The following CSMD1 variants were observed in gnomAD, a reference collection of about 807,000 sequenced individuals.
The protein encoded by CSMD1 is CUB and sushi domain-containing protein 1.
In CSMD1, 213 loss-of-function variants were observed where a neutral mutation model predicts 417.5. The observed-to-expected ratio is 0.51, with a 90% CI of 0.46 to 0.57. The LOEUF is 0.57. CSMD1 is among the 20% of genes least tolerant of loss of function. The pLI, the probability that CSMD1 is intolerant of heterozygous loss-of-function variation, is 0.00. For missense variants in CSMD1, 6,923 were observed against 4,529.7 expected, an observed-to-expected ratio of 1.53 and a Z score of -15.17; for synonymous variants, 2,862 against 1,736.8, an observed-to-expected ratio of 1.65 and a Z score of -16.11.
chr8:3,586,349 A>C (rs1268001850), intron 8 of CSMD1, 89 bp from the exon 9 acceptor site: 1 of 1,298,754 alleles, frequency 7.7e-7, no homozygotes, highest in South Asian at 1.5e-5. Flanking sequence ...AATGGCTGCT[A>C]CGATCTTGTT....
intron 3 of CSMD1, among the ~76,000 whole-genome samples, chr8:4,106,920 T>C (rs117727074): frequency 0.015 from 2,296 of 152,312 alleles, 29 homozygotes; most frequent in Non-Finnish European, 0.021. Context: ...GGCTTATTTA[T>C]AAACCAAAAC....
rs369541850 is a variant in CSMD1, at chr8:3,594,172, G to A, written c.1098-7912C>T. On this transcript the variant is annotated intron_variant, in intron 8 of 69. Coordinates refer to ENST00000635120, the MANE Select transcript of CSMD1 (RefSeq NM_033225.6). ...CCTCTGCTATGCCCGACCTACAGGGGTTTGGCACTCATTTACGGCCGTCCC... is the reference window on the plus strand; with the variant it reads ...CCTCTGCTATGCCCGACCTACAGGGATTTGGCACTCATTTACGGCCGTCCC... 1.5e-3 allele frequency among the ~76,000 whole-genome samples: 222 copies of A among 152,260 alleles called. 1 individual carries two copies. The highest frequency in any genetic ancestry group is 5.0e-3 in the African/African-American group (207 of 41,536).
At chr8:4,366,752 C>T (rs896182790) in intron 3 of CSMD1, among the ~76,000 whole-genome samples, 1 of 152,028 alleles carries the variant, frequency 6.6e-6, no homozygotes, top group Non-Finnish European at 1.5e-5. Flanking sequence ...TACATGTGAA[C>T]AACGTGCACG....
At chr8:2,962,437 T>A in intron 61 of CSMD1, 29 bp downstream of exon 61, 1 of 1,579,786 alleles carries the variant, frequency 6.3e-7, no homozygotes, top group Non-Finnish European at 8.6e-7. Flanking sequence ...TACTCCCAGG[T>A]ATCCCCAGAG....
At chr8:3,368,990 G>C (rs556457304) in intron 19 of CSMD1, among the ~76,000 whole-genome samples, 5 of 152,164 alleles carry the variant, frequency 3.3e-5, no homozygotes, top group African/African-American at 1.2e-4. Flanking sequence ...TCCTTACCAC[G>C]ATAGCTATAT....
At chr8:3,866,506 G>C (rs1024250505) in intron 5 of CSMD1, among the ~76,000 whole-genome samples, 2 of 152,138 alleles carry the variant, frequency 1.3e-5, no homozygotes, top group Non-Finnish European at 2.9e-5. Flanking sequence ...TGCCTGACGT[G>C]GTAAAGCATC....
At chr8:3,998,172 G>C in intron 4 of CSMD1, 62 bp from the exon 5 acceptor site, 1 of 1,396,990 alleles carries the variant, frequency 7.2e-7, no homozygotes, top group Non-Finnish European at 9.8e-7. Context: ...ACACGAGTGT[G>C]TCCACCAAGT....
At chr8:3,187,290 T>C (rs747965126) in intron 36 of CSMD1, among the ~76,000 whole-genome samples, 1 of 151,952 alleles carries the variant, frequency 6.6e-6, no homozygotes, top group Non-Finnish European at 1.5e-5. Context: ...AAAAGCAAAA[T>C]TGAGATTGAA....
intron 3 of CSMD1, among the ~76,000 whole-genome samples, chr8:4,058,210 T>C (rs1458263318): frequency 6.6e-6 from 1 of 152,146 alleles, no homozygotes; most frequent in African/African-American, 2.4e-5. Flanking sequence ...TTTATTTCAT[T>C]GAGCAGTGGT....
intron 5 of CSMD1, among the ~76,000 whole-genome samples, chr8:3,798,282 T>C (rs114684391): frequency 6.6e-6 from 1 of 152,092 alleles, no homozygotes; most frequent in Admixed American, 6.6e-5. Context: ...TATTTATCAA[T>C]GTTATTTCCT....
At chr8:4,164,224 G>C (rs1202110694) in intron 3 of CSMD1, among the ~76,000 whole-genome samples, 1 of 151,826 alleles carries the variant, frequency 6.6e-6, no homozygotes, top group African/African-American at 2.4e-5. Context: ...AAAAATATTT[G>C]AAATATACAA....
chr8:3,571,030 G>A (rs949270812), intron 10 of CSMD1, among the ~76,000 whole-genome samples: 3 of 152,158 alleles, frequency 2.0e-5, no homozygotes, highest in Non-Finnish European at 4.4e-5. Flanking sequence ...AAATGAATTT[G>A]GAAAGTGGAA....
chr8:4,818,468 C>G lies in CSMD1; in HGVS notation c.85+175864G>C, dbSNP rs1197510727. 2.0e-5 allele frequency among the ~76,000 whole-genome samples: 3 copies of G among 152,228 alleles called. No individual in the cohort carries two copies. In the East Asian group the frequency reaches 5.8e-4, roughly 29 times the overall value. ...TCAGTAAATCCAAACTTAAATTCAA[C>G]CTCAGCAACAATTTTGATTTAGTTT... On this transcript the variant is annotated intron_variant, in intron 1 of 69. Coordinates refer to ENST00000635120, the MANE Select transcript of CSMD1 (RefSeq NM_033225.6).
chr8:4,862,989 C>G (rs1802225582), intron 1 of CSMD1, among the ~76,000 whole-genome samples: 1 of 151,948 alleles, frequency 6.6e-6, no homozygotes, highest in Non-Finnish European at 1.5e-5. Context: ...AGGGAACCAG[C>G]AAATACCCCC....
chr8:4,009,390 G>T (rs183387703), intron 4 of CSMD1, among the ~76,000 whole-genome samples: 2 of 152,204 alleles, frequency 1.3e-5, no homozygotes, highest in African/African-American at 2.4e-5. Context: ...GAAGCAAACT[G>T]CCATGTTTAT....
At chr8:3,246,451 A>G (rs1488000891) in intron 26 of CSMD1, among the ~76,000 whole-genome samples, 1 of 151,750 alleles carries the variant, frequency 6.6e-6, no homozygotes, top group Non-Finnish European at 1.5e-5. Context: ...GTTCACCCCC[A>G]TTCTCTTTAT....
chr8:3,485,524 A>AACACACACAC (rs1817975978), intron 11 of CSMD1, among the ~76,000 whole-genome samples: 1 of 58,748 alleles, frequency 1.7e-5, no homozygotes, highest in African/African-American at 7.5e-5. Context: ...ACTTCATAAC[A>AACACACACAC]ATACACACAC....
At chr8:3,460,387 A>G (rs1398161488) in intron 12 of CSMD1, among the ~76,000 whole-genome samples, 1 of 152,210 alleles carries the variant, frequency 6.6e-6, no homozygotes, top group Non-Finnish European at 1.5e-5. Flanking sequence ...GAATCTGGAA[A>G]CCACTTTACA....
At chr8:3,089,453 G>C (rs534190047) in intron 48 of CSMD1, among the ~76,000 whole-genome samples, 1 of 152,306 alleles carries the variant, frequency 6.6e-6, no homozygotes, top group African/African-American at 2.4e-5. Flanking sequence ...TTTTAACTCG[G>C]ATTTCCAATT....
Sources: allele counts gnomAD v4.1 joint callset (sites outside exome capture counted in the v4.1 genomes callset), GRCh38; gene constraint gnomAD v4.1.1; transcripts MANE v1.5; gene names NCBI Gene and HGNC (gene_info 2026-07-23, HGNC 2026-07-21).